The following PLEKHD1 variants were observed in gnomAD, a reference collection of about 807,000 sequenced individuals.
PLEKHD1 encodes pleckstrin homology domain-containing family D member 1.
In PLEKHD1, 51 loss-of-function variants were observed where a neutral mutation model predicts 69.2. That is an observed-to-expected ratio of 0.74 (90% CI 0.59 to 0.93). The LOEUF (loss-of-function observed/expected upper bound fraction) is 0.93. Ranked by LOEUF, PLEKHD1 falls within the 40% of genes least tolerant of loss-of-function variation. PLEKHD1 has a pLI of 0.00. For missense variants in PLEKHD1, 584 were observed against 641.0 expected, an observed-to-expected ratio of 0.91 and a Z score of 0.96; for synonymous variants, 236 against 244.7, an observed-to-expected ratio of 0.96 and a Z score of 0.33.
chr14:69,488,282 C>T (rs1205293708), intron 1 of PLEKHD1, among the ~76,000 whole-genome samples: 2 of 152,178 alleles, frequency 1.3e-5, no homozygotes, highest in East Asian at 1.9e-4. Context: ...AGACTTTCTT[C>T]CCACAGGGAT....
At position 69,527,350 on chromosome 14, in the gene PLEKHD1, GC is replaced by G. The variant is rs1883679079; in HGVS notation, c.1201+21del. 2.6e-6 allele frequency: 4 copies of G among 1,551,172 alleles called. No homozygotes were observed. Among genetic ancestry groups the G allele is most frequent in the South Asian group, 2.4e-5 (2 of 84,048 alleles). On this transcript the variant is annotated intron_variant, in intron 11 of 12. Transcript: ENST00000322564. ...TCTGAAAAGTAAGCCCTGCCTCTAG[GC>G]CCTGGCCCCCAGCTTTGGCACTCAG... is the stretch of plus-strand genomic sequence containing the variant.
Position 69,501,813 on chromosome 14 carries a change from C to T in PLEKHD1, c.490C>T (p.Gln164Ter). Residue 164 changes from glutamine (Q) to a stop codon, truncating the protein, a stop_gained, in exon 5 of 13, where the codon CAG becomes TAG. Coordinates refer to ENST00000322564, the MANE Select transcript of PLEKHD1 (RefSeq NM_001161498.2). LOFTEE classifies it high-confidence loss of function. ...GGGGCTGCAGTTGGCTAAGGAAAAG[C>T]AGGAGTATTTAGGTTGGCTGGAGGG... ...AQGLQLAKEK[Q>*]EYLDKLMEET... 2.6e-6 allele frequency: 4 copies of T among 1,551,146 alleles called. No homozygotes were observed. Among genetic ancestry groups the T allele is most frequent in the Non-Finnish European group, 3.5e-6 (4 of 1,146,612 alleles).
chr14:69,494,854 T>A (rs1395254651), intron 1 of PLEKHD1, among the ~76,000 whole-genome samples: 4 of 152,226 alleles, frequency 2.6e-5, no homozygotes, highest in African/African-American at 9.6e-5. Flanking sequence ...AGCAGGGCTG[T>A]CACTGAGACA....
intron 1 of PLEKHD1, among the ~76,000 whole-genome samples, chr14:69,492,858 C>A (rs1212382753): frequency 6.6e-6 from 1 of 152,092 alleles, no homozygotes; most frequent in East Asian, 1.9e-4. Flanking sequence ...TAGCGTCGAC[C>A]TCCTGGTCTC....
chr14:69,501,672 G>C, intron 4 of PLEKHD1, 62 bp from the exon 5 acceptor site: 3 of 1,314,566 alleles, frequency 2.3e-6, no homozygotes, highest in Non-Finnish European at 3.2e-6. Flanking sequence ...CTACCCTTCT[G>C]TTTTAATGAT....
chr14:69,494,366 C>T (rs1186277037), intron 1 of PLEKHD1, among the ~76,000 whole-genome samples: 1 of 152,200 alleles, frequency 6.6e-6, no homozygotes, highest in Non-Finnish European at 1.5e-5. Flanking sequence ...TCTGGCCCAT[C>T]TGTTTCCTGG....
chr14:69,523,412 G>T (rs192062001), intron 7 of PLEKHD1, among the ~76,000 whole-genome samples: 60 of 152,226 alleles, frequency 3.9e-4, no homozygotes, highest in African/African-American at 1.4e-3. Context: ...TTATCCAAGG[G>T]TGTCAATTAA....
At position 69,514,372 on chromosome 14, in the gene PLEKHD1, A is replaced by G. The variant is rs76773408; in HGVS notation, c.556-7911A>G. Among the ~76,000 whole-genome samples the G allele has an allele frequency of 4.3e-3, 653 of 152,098 alleles. 5 individuals carry two copies. The highest frequency in any genetic ancestry group is 0.015 in the African/African-American group (611 of 41,476). Reference sequence around the variant, plus strand: ...TGTCCAGTCTCGCAATGATCCCATCATAAGCATTCTTCACTCTTACAGTGT... The same window carrying G: ...TGTCCAGTCTCGCAATGATCCCATCGTAAGCATTCTTCACTCTTACAGTGT... On this transcript the variant is annotated intron_variant, in intron 6 of 12. Coordinates refer to ENST00000322564, the MANE Select transcript of PLEKHD1 (RefSeq NM_001161498.2).
At chr14:69,480,379 G>A (rs61982426), upstream of PLEKHD1, among the ~76,000 whole-genome samples, 9,266 of 152,262 alleles carry the variant, frequency 0.061, 314 homozygotes, top group Middle Eastern at 0.088. Context: ...AGCCAGAGTC[G>A]CAGCATTCCT....
chr14:69,505,697 GC>G (rs1883137074), intron 6 of PLEKHD1, among the ~76,000 whole-genome samples: 1 of 152,214 alleles, frequency 6.6e-6, no homozygotes, highest in African/African-American at 2.4e-5. Flanking sequence ...GAAGTAGAAC[GC>G]GGGGAAGGGA....
chr14:69,469,458 G>A, the PLEKHD1 span, among the ~76,000 whole-genome samples: 1 of 151,924 alleles, frequency 6.6e-6, no homozygotes, highest in East Asian at 1.9e-4. Context: ...CGCCCAGGCT[G>A]GAGTGAAGTG....
At chr14:69,522,888 A>T (rs1883551223) in intron 7 of PLEKHD1, among the ~76,000 whole-genome samples, 3 of 151,906 alleles carry the variant, frequency 2.0e-5, no homozygotes, top group African/African-American at 7.3e-5. Flanking sequence ...ATATATATAC[A>T]TGTATATATC....
chr14:69,501,464 G>A, intron 4 of PLEKHD1: 1 of 382,552 alleles, frequency 2.6e-6, no homozygotes, highest in Non-Finnish European at 4.7e-6. Flanking sequence ...CACCCAGGAA[G>A]CAATCTCCTC....
At chr14:69,495,068 G>A (rs1339583625) in intron 1 of PLEKHD1, among the ~76,000 whole-genome samples, 3 of 152,164 alleles carry the variant, frequency 2.0e-5, no homozygotes, top group Non-Finnish European at 4.4e-5. Flanking sequence ...TGTGATGTGT[G>A]GGCCCTTCAC....
At chr14:69,511,045 T>A (rs551703435) in intron 6 of PLEKHD1, among the ~76,000 whole-genome samples, 5 of 152,244 alleles carry the variant, frequency 3.3e-5, no homozygotes, top group African/African-American at 1.2e-4. Context: ...TGGATTATAT[T>A]AATTGATTTT....
chr14:69,484,360 C>T (rs1882603855), upstream of PLEKHD1, among the ~76,000 whole-genome samples: 1 of 152,226 alleles, frequency 6.6e-6, no homozygotes, highest in Non-Finnish European at 1.5e-5. Flanking sequence ...TCCTCCACCC[C>T]GAGGCGAGCA....
the PLEKHD1 span, among the ~76,000 whole-genome samples, chr14:69,475,513 T>C: frequency 6.6e-6 from 1 of 152,046 alleles, no homozygotes. Context: ...GAGTGATTAC[T>C]GGGCAGTGAG....
intron 6 of PLEKHD1, among the ~76,000 whole-genome samples, chr14:69,515,716 C>T (rs1293111111): frequency 6.6e-6 from 1 of 152,108 alleles, no homozygotes; most frequent in African/African-American, 2.4e-5. Flanking sequence ...CGGGGAAGTG[C>T]CACACACTTT....
intron 6 of PLEKHD1, among the ~76,000 whole-genome samples, chr14:69,512,975 C>T (rs1019649121): frequency 6.6e-6 from 1 of 151,622 alleles, no homozygotes; most frequent in African/African-American, 2.4e-5. Flanking sequence ...CTGTAGTCCT[C>T]GCCACTCAGG....
Sources: gnomAD v4.1 joint callset for allele counts (sites outside exome capture counted in the v4.1 genomes callset) on GRCh38, gnomAD v4.1.1 for gene constraint, MANE v1.5 for transcripts, NCBI Gene and HGNC (gene_info 2026-07-23, HGNC 2026-07-21) for gene names.